PTPRD: variants seen among roughly 807,000 people sequenced by gnomAD.
PTPRD encodes the protein receptor-type tyrosine-protein phosphatase delta.
In PTPRD, 34 loss-of-function variants were observed where a neutral mutation model predicts 214.5. That is an observed-to-expected ratio of 0.16 (90% CI 0.12 to 0.21). PTPRD has a LOEUF of 0.21. Ranked by LOEUF, PTPRD falls within the 10% of genes least tolerant of loss-of-function variation. The pLI is 1.00. For missense variants in PTPRD, 2,545 were observed against 2,398.7 expected, an observed-to-expected ratio of 1.06 and a Z score of -1.27; for synonymous variants, 1,128 against 845.7, an observed-to-expected ratio of 1.33 and a Z score of -5.79.
intron 11 of PTPRD, among the ~76,000 whole-genome samples, chr9:8,994,130 C>G (rs569669014): frequency 6.6e-6 from 1 of 152,100 alleles, no homozygotes; most frequent in Non-Finnish European, 1.5e-5. Flanking sequence ...GTTCAATGAA[C>G]TTAAGGATCT....
chr9:10,288,450 A>G (rs967826786), intron 3 of PTPRD, among the ~76,000 whole-genome samples: 1 of 152,220 alleles, frequency 6.6e-6, no homozygotes, highest in Non-Finnish European at 1.5e-5. Flanking sequence ...GTAAAGAAAC[A>G]ATACAACTTA....
At chr9:8,655,121 G>C (rs2096884492) in intron 12 of PTPRD, among the ~76,000 whole-genome samples, 2 of 152,146 alleles carry the variant, frequency 1.3e-5, no homozygotes, top group Non-Finnish European at 2.9e-5. Flanking sequence ...GGAAAGATGA[G>C]AGGATAGTCT....
chr9:9,574,383 C>T (rs1591950209), intron 8 of PTPRD, among the ~76,000 whole-genome samples: 1 of 151,938 alleles, frequency 6.6e-6, no homozygotes, highest in Non-Finnish European at 1.5e-5. Flanking sequence ...ATAAGTTTTA[C>T]TTTCAATAAC....
At chr9:10,168,077 G>C (rs2099170472) in intron 3 of PTPRD, among the ~76,000 whole-genome samples, 1 of 152,198 alleles carries the variant, frequency 6.6e-6, no homozygotes, top group South Asian at 2.1e-4. Context: ...TATATTTTAA[G>C]ACTGTGTAGA....
At chr9:8,356,422 A>G (rs2077013447) in intron 39 of PTPRD, among the ~76,000 whole-genome samples, 2 of 152,206 alleles carry the variant, frequency 1.3e-5, no homozygotes, top group African/African-American at 4.8e-5. Flanking sequence ...TTTCATGCTG[A>G]TTACATGAAA....
In PTPRD at chr9:9,384,343, CTTTTTTTTTTTTTTT is replaced by C. The variant is rs869246078; in HGVS notation, c.-203+13091_-203+13105del. Among the ~76,000 whole-genome samples, 190 of 33,248 alleles carry C rather than the reference CTTTTTTTTTTTTTTT, an allele frequency of 5.7e-3. 2 individuals carry two copies. Among genetic ancestry groups the C allele is most frequent in the African/African-American group, 0.011 (138 of 13,096 alleles). The allele number at this position is 33,248 out of a possible 152,430, so 21.8% of individuals were successfully genotyped here. ...GATGATATTTGAGCAGAAGACTAGG[CTTTTTTTTTTTTTTT>C]TTTTTTTTTTTTTTTTTTTTTTTTT... On this transcript the variant is annotated intron_variant, in intron 9 of 45. Transcript: ENST00000381196.
intron 9 of PTPRD, among the ~76,000 whole-genome samples, chr9:9,286,058 C>T (rs974674771): frequency 3.3e-5 from 5 of 151,708 alleles, no homozygotes; most frequent in African/African-American, 9.7e-5. Flanking sequence ...GAATTCTATC[C>T]TAAAAAATGT....
At chr9:8,607,877 G>A (rs1182122351) in intron 14 of PTPRD, among the ~76,000 whole-genome samples, 1 of 152,084 alleles carries the variant, frequency 6.6e-6, no homozygotes, top group Non-Finnish European at 1.5e-5. Context: ...TTTAAGGGAT[G>A]TTTTTACATT....
chr9:9,391,062 G>T (rs1277408972), intron 9 of PTPRD, among the ~76,000 whole-genome samples: 1 of 152,092 alleles, frequency 6.6e-6, no homozygotes, highest in Non-Finnish European at 1.5e-5. Flanking sequence ...TGCATTAAGT[G>T]CACTAATTGA....
At chr9:9,523,008 A>T (rs965474118) in intron 8 of PTPRD, among the ~76,000 whole-genome samples, 2 of 152,168 alleles carry the variant, frequency 1.3e-5, no homozygotes, top group Non-Finnish European at 2.9e-5. Flanking sequence ...AGAAAACAAC[A>T]CTAATATTCA....
chr9:10,461,784 A>G (rs1464773810), intron 2 of PTPRD, among the ~76,000 whole-genome samples: 1 of 151,934 alleles, frequency 6.6e-6, no homozygotes, highest in East Asian at 1.9e-4. Context: ...CTCCAGGCCC[A>G]GCTAATTTTG....
Position 8,389,296 on chromosome 9 carries a change from C to T in PTPRD, c.4322G>A (p.Arg1441Lys), listed in dbSNP as rs2135646513. 6.2e-7 allele frequency: 1 copy of T among 1,613,134 alleles called. No individual in the cohort carries two copies. The highest frequency in any genetic ancestry group is 8.5e-7 in the Non-Finnish European group (1 of 1,179,436). ...GGCACTCCGTTGTTCCCATATCATT[C>T]TCCAAAAGTCCCCAAATGTTTCGGG... ...SLPETFGDFW[R>K]MIWEQRSATV... The change falls in exon 37 of 46, where the codon AGA becomes AAA. Residue 1441 changes from arginine to lysine, a missense_variant. Coordinates refer to ENST00000381196, the MANE Select transcript of PTPRD (RefSeq NM_002839.4).
chr9:9,080,128 C>G (rs953443530), intron 10 of PTPRD, among the ~76,000 whole-genome samples: 1 of 151,916 alleles, frequency 6.6e-6, no homozygotes, highest in Non-Finnish European at 1.5e-5. Context: ...TACTAGATCC[C>G]TGAATGCATT....
chr9:8,444,369 G>C (rs1403007088), intron 34 of PTPRD, among the ~76,000 whole-genome samples: 1 of 151,990 alleles, frequency 6.6e-6, no homozygotes, highest in Non-Finnish European at 1.5e-5. Context: ...ATACATACAT[G>C]ACATACACAC....
intron 3 of PTPRD, among the ~76,000 whole-genome samples, chr9:10,316,433 T>G (rs943850458): frequency 6.6e-6 from 1 of 151,786 alleles, no homozygotes; most frequent in South Asian, 2.1e-4. Context: ...AGAATAGTCC[T>G]TGCATGAGTG....
chr9:10,167,013 T>C (rs1332096520), intron 3 of PTPRD, among the ~76,000 whole-genome samples: 1 of 152,142 alleles, frequency 6.6e-6, no homozygotes, highest in Non-Finnish European at 1.5e-5. Context: ...AAACAAAGTA[T>C]TCACTTTCAG....
intron 11 of PTPRD, among the ~76,000 whole-genome samples, chr9:8,945,543 CTACAGAGTATCTTTATGATACTCT>C (rs1460722492): frequency 6.6e-6 from 1 of 152,034 alleles, no homozygotes; most frequent in Non-Finnish European, 1.5e-5. Flanking sequence ...AAAGATACTC[CTACAGAGTATCTTTATGATACTCT>C]CTTGAAAAAA....
chr9:8,783,290 G>A (rs2095811752), intron 11 of PTPRD, among the ~76,000 whole-genome samples: 1 of 152,074 alleles, frequency 6.6e-6, no homozygotes, highest in South Asian at 2.1e-4. Context: ...GCACAATGTT[G>A]GAGTTATTAA....
At chr9:9,379,722 G>A (rs1014409549) in intron 9 of PTPRD, among the ~76,000 whole-genome samples, 1 of 151,802 alleles carries the variant, frequency 6.6e-6, no homozygotes. Context: ...TTATAGTTTT[G>A]TAGTTTTCCT....
Sources: gnomAD v4.1 joint callset for allele counts (sites outside exome capture counted in the v4.1 genomes callset) on GRCh38, gnomAD v4.1.1 for gene constraint, MANE v1.5 for transcripts, NCBI Gene and HGNC (gene_info 2026-07-23, HGNC 2026-07-21) for gene names.